FMO5: variants seen among roughly 807,000 people sequenced by gnomAD.
FMO5 encodes the protein flavin-containing monooxygenase 5.
In FMO5, 51 loss-of-function variants were observed where a neutral mutation model predicts 43.6. The ratio of observed to expected loss-of-function variants is 1.17; its 90% CI spans 0.93 to 1.48. The LOEUF (loss-of-function observed/expected upper bound fraction) is 1.48. FMO5 is among the 40% of genes most tolerant of loss of function. FMO5 has a pLI of 0.00. For missense variants in FMO5, 644 were observed against 643.0 expected, an observed-to-expected ratio of 1.00 and a Z score of -0.02; for synonymous variants, 187 against 216.5, an observed-to-expected ratio of 0.86 and a Z score of 1.20.
intron 8 of FMO5, among the ~76,000 whole-genome samples, chr1:147,187,718 C>T (rs1655882630): frequency 6.6e-6 from 1 of 152,068 alleles, no homozygotes; most frequent in Non-Finnish European, 1.5e-5. Flanking sequence ...AATTTGGAAT[C>T]CTGAAAGGAT....
intron 6 of FMO5, among the ~76,000 whole-genome samples, chr1:147,202,911 C>G (rs1046956008): frequency 6.6e-6 from 1 of 152,126 alleles, no homozygotes; most frequent in East Asian, 1.9e-4. Context: ...TTAACATCCC[C>G]AAGATAGTTT....
At chr1:147,193,732 A>C (rs1478404093) in intron 7 of FMO5, among the ~76,000 whole-genome samples, 1 of 152,158 alleles carries the variant, frequency 6.6e-6, no homozygotes, top group Non-Finnish European at 1.5e-5. Flanking sequence ...GTTTCAAAGA[A>C]CATCTTTATT....
chr1:147,203,213 C>G, intron 6 of FMO5: 1 of 875,588 alleles, frequency 1.1e-6, no homozygotes, highest in Non-Finnish European at 1.8e-6. Context: ...GAAAACATCA[C>G]GCGATTCTTA....
intron 7 of FMO5, among the ~76,000 whole-genome samples, chr1:147,197,575 G>A (rs1571216762): frequency 6.6e-6 from 1 of 152,042 alleles, no homozygotes; most frequent in Non-Finnish European, 1.5e-5. Flanking sequence ...GAGTTCTCAC[G>A]AGATCTGATG....
chr1:147,184,722 A>G (rs1559626505), downstream of FMO5: 5 of 1,322,982 alleles, frequency 3.8e-6, no homozygotes, highest in Non-Finnish European at 4.9e-6. The surrounding 1 kb of genome is among the most constrained non-coding windows in gnomAD (Gnocchi z 4.4). Flanking sequence ...AGTGTGACTT[A>G]TTACTGTTAG....
chr1:147,191,472 T>A (rs1287114440), intron 7 of FMO5, among the ~76,000 whole-genome samples: 1 of 152,156 alleles, frequency 6.6e-6, no homozygotes, highest in African/African-American at 2.4e-5. Flanking sequence ...TTTGGCTGCA[T>A]AAATGTCTTC....
At chr1:147,225,724 C>T (rs1663923632), upstream of FMO5, 2 of 152,346 alleles carry the variant, frequency 1.3e-5, no homozygotes, top group Admixed American at 1.3e-4. Flanking sequence ...TAAATGAACA[C>T]CTACCTTTCA....
chr1:147,192,367 C>T (rs1433876258), intron 7 of FMO5, among the ~76,000 whole-genome samples: 1 of 151,934 alleles, frequency 6.6e-6, no homozygotes, highest in African/African-American at 2.4e-5. Flanking sequence ...ATTTTGTATC[C>T]TGAGACTTTG....
In FMO5 at chr1:147,208,851, C is replaced by G; in HGVS notation, c.830+1G>C. 1.2e-6 allele frequency: 2 copies of G among 1,613,300 alleles called. No homozygotes were observed. The highest frequency in any genetic ancestry group is 1.7e-6 in the Non-Finnish European group (2 of 1,179,296). On this transcript the variant is annotated splice_donor_variant, in intron 6 of 8. Coordinates refer to ENST00000254090, the MANE Select transcript of FMO5 (RefSeq NM_001461.4). LOFTEE classifies it high-confidence loss of function. ...CCTGCACTCCCATCCTGGGAACATA[C>G]CTGTGTTTAGGCTTCAGGCCAAACA...
rs5777626 is a variant in FMO5 at position 147,189,271 on chromosome 1, T to TA, written c.1256+905dup. Among the ~76,000 whole-genome samples the TA allele has an allele frequency of 7.9e-3, 1,123 of 142,752 alleles. 13 individuals are homozygous for TA. The highest frequency in any genetic ancestry group is 0.026 in the African/African-American group (1,004 of 38,834). 93.7% of individuals were successfully genotyped at this position (142,752 alleles called of 152,430 possible). A position where few individuals can be genotyped will look rare whatever the true frequency, so the allele number is the denominator to read the frequency against. ...CTGAGTGACAGAGTGAGACTCCGTC[T>TA]AAAAAAAAAAAAAGGCAGTTTAAGG... On this transcript the variant is annotated intron_variant, in intron 8 of 8. Coordinates refer to ENST00000254090, the MANE Select transcript of FMO5 (RefSeq NM_001461.4).
chr1:147,188,235 T>C (rs1655978827), intron 8 of FMO5, among the ~76,000 whole-genome samples: 1 of 152,078 alleles, frequency 6.6e-6, no homozygotes, highest in African/African-American at 2.4e-5. Flanking sequence ...TCTATACTAT[T>C]CATGAGGTTG....
In FMO5 at chr1:147,186,851, T is replaced by C. The variant is rs782667510; in HGVS notation, c.*49A>G. ...TCAATCTCGTCAGATTCTGAAGGCA[T>C]CTGTAGATAAGCTTCCCAATGAAAA... On this transcript the variant is annotated 3_prime_UTR_variant, in exon 9 of 9. Transcript: ENST00000254090. 3 of 1,563,594 alleles carry C rather than the reference T, an allele frequency of 1.9e-6. No homozygotes were observed. The African/African-American group carries it at 4.1e-5, about 21-fold the overall frequency.
chr1:147,201,197 G>A lies in FMO5; in HGVS notation c.1138C>T (p.Pro380Ser). Residue 380 changes from proline to serine, a missense_variant, in exon 7 of 9, where the codon CCC becomes TCC. By Grantham distance (74) the Pro-to-Ser change is moderately conservative (BLOSUM62 -1). Coordinates refer to ENST00000254090, the MANE Select transcript of FMO5 (RefSeq NM_001461.4). ...CAGCGTCCTTGGAGCTCTGAAATGG[G>A]CATAATGGCTCCTAAGGGCTGAATC... Reference protein sequence around the residue: ...GLIQPLGAIMPISELQGRWAT... With the variant: ...GLIQPLGAIMSISELQGRWAT... The A allele has an allele frequency of 6.2e-7, 1 of 1,614,084 alleles. No homozygotes were observed.
intron 8 of FMO5, among the ~76,000 whole-genome samples, chr1:147,187,976 A>G (rs993987955): frequency 6.6e-6 from 1 of 152,196 alleles, no homozygotes; most frequent in Non-Finnish European, 1.5e-5. Context: ...AGTCAAGCCA[A>G]TTGAGATTGA....
chr1:147,198,072 T>A (rs1180014169), intron 7 of FMO5, among the ~76,000 whole-genome samples: 1 of 152,166 alleles, frequency 6.6e-6, no homozygotes, highest in Non-Finnish European at 1.5e-5. Flanking sequence ...CTCCTGCATA[T>A]TTCAGTGTAT....
chr1:147,222,375 A>AAG (rs1553926474), intron 2 of FMO5, among the ~76,000 whole-genome samples: 1 of 152,138 alleles, frequency 6.6e-6, no homozygotes. Flanking sequence ...CTAAAAAGAA[A>AAG]AGAGAGAGAG....
At position 147,190,227 on chromosome 1, in the gene FMO5, CTG is replaced by C. The variant is rs1656445482; in HGVS notation, c.1204_1205del (p.Gln402GlufsTer2). ...VFKGLKTLPS[Q>X]SEMMAEISKA... ...TAGATATTTCTGCCATCATTTCACT[CTG>C]TGAGGGCAATGTCTTTAGACCTAAA... is the stretch of plus-strand genomic sequence containing the variant. On this transcript the variant is annotated frameshift_variant, in exon 8 of 9. Coordinates refer to ENST00000254090, the MANE Select transcript of FMO5 (RefSeq NM_001461.4). LOFTEE classifies it high-confidence loss of function. 6.2e-7 allele frequency: 1 copy of C among 1,610,784 alleles called. No individual in the cohort carries two copies. Among genetic ancestry groups the C allele is most frequent in the Admixed American group, 1.7e-5 (1 of 59,858 alleles).
intron 2 of FMO5, among the ~76,000 whole-genome samples, chr1:147,224,503 C>T (rs1170112996): frequency 6.6e-6 from 1 of 151,994 alleles, no homozygotes; most frequent in Non-Finnish European, 1.5e-5. Flanking sequence ...ATAAGTTTAA[C>T]TATCTTTTTT....
intron 7 of FMO5, among the ~76,000 whole-genome samples, chr1:147,196,177 A>G (rs587692563): frequency 1.3e-5 from 2 of 152,198 alleles, no homozygotes; most frequent in East Asian, 3.9e-4. Context: ...TACTCTAATA[A>G]CTATCCTGGT....
Sources: allele counts gnomAD v4.1 joint callset (sites outside exome capture counted in the v4.1 genomes callset), GRCh38; gene constraint gnomAD v4.1.1; non-coding constraint Gnocchi (gnomAD v3.1); transcripts MANE v1.5; gene names NCBI Gene and HGNC (gene_info 2026-07-23, HGNC 2026-07-21).